The following SCFD2 variants were observed in gnomAD, a reference collection of about 807,000 sequenced individuals.
SCFD2 encodes the protein sec1 family domain containing 2.
Under a neutral mutation model 58.9 loss-of-function variants are expected in SCFD2, and 54 were observed. The ratio of observed to expected loss-of-function variants is 0.92; its 90% CI spans 0.74 to 1.15. The LOEUF (loss-of-function observed/expected upper bound fraction) is 1.15, where lower values mean the gene tolerates loss of function less well. SCFD2 is among the 50% of genes most tolerant of loss of function. SCFD2 has a pLI of 0.00. For missense variants in SCFD2, 805 were observed against 836.6 expected (o/e 0.96, Z 0.47); for synonymous variants, 321 against 335.9 (o/e 0.96, Z 0.49).
intron 2 of SCFD2, among the ~76,000 whole-genome samples, chr4:53,326,342 C>T (rs999177986): frequency 1.1e-4 from 16 of 152,052 alleles, no homozygotes; most frequent in African/African-American, 3.9e-4. Context: ...AGTGTTTCAC[C>T]GTGTTGCCTA....
chr4:53,169,705 C>CT (rs1413919999), intron 4 of SCFD2, among the ~76,000 whole-genome samples: 1 of 152,172 alleles, frequency 6.6e-6, no homozygotes, highest in Admixed American at 6.5e-5. Flanking sequence ...GCCCACACAT[C>CT]TTTTTTTGTT....
At chr4:53,194,649 A>G (rs1250697036) in intron 4 of SCFD2, among the ~76,000 whole-genome samples, 2 of 152,158 alleles carry the variant, frequency 1.3e-5, no homozygotes, top group African/African-American at 4.8e-5. Flanking sequence ...CAGATTTAGG[A>G]TAACTTAATG....
intron 5 of SCFD2, among the ~76,000 whole-genome samples, chr4:53,085,531 C>A (rs959791737): frequency 3.9e-5 from 6 of 152,036 alleles, no homozygotes; most frequent in African/African-American, 1.4e-4. Flanking sequence ...ATATAAAAAA[C>A]AATTCTAAAA....
chr4:53,327,422 G>C (rs1187571181), intron 2 of SCFD2, among the ~76,000 whole-genome samples: 1 of 152,164 alleles, frequency 6.6e-6, no homozygotes, highest in African/African-American at 2.4e-5. Context: ...GGAGTGAGAA[G>C]GATACCCACA....
chr4:53,345,291 T>C (rs1296003167), intron 2 of SCFD2, among the ~76,000 whole-genome samples: 2 of 152,152 alleles, frequency 1.3e-5, no homozygotes, highest in East Asian at 3.8e-4. Flanking sequence ...GCAACGGATA[T>C]GAACAGACAC....
chr4:53,043,637 C>T (rs1722953373), intron 5 of SCFD2, among the ~76,000 whole-genome samples: 1 of 152,074 alleles, frequency 6.6e-6, no homozygotes, highest in Admixed American at 6.6e-5. Context: ...AAAAAAGCAA[C>T]TTGCAAAACA....
intron 5 of SCFD2, among the ~76,000 whole-genome samples, chr4:53,105,777 G>A (rs550328194): frequency 4.3e-4 from 66 of 152,274 alleles, no homozygotes; most frequent in African/African-American, 1.5e-3. Flanking sequence ...AGACTTAAAT[G>A]TCCCTGCCTG....
chr4:52,900,647 A>C (rs1324270661), intron 7 of SCFD2, among the ~76,000 whole-genome samples: 1 of 152,150 alleles, frequency 6.6e-6, no homozygotes, highest in East Asian at 1.9e-4. Flanking sequence ...GTGCTGGGAG[A>C]ACCACTACTC....
intron 4 of SCFD2, among the ~76,000 whole-genome samples, chr4:53,234,575 C>T (rs1729538130): frequency 6.6e-6 from 1 of 152,108 alleles, no homozygotes; most frequent in African/African-American, 2.4e-5. Flanking sequence ...TCCTAATGTT[C>T]TTTATCTGGG....
intron 4 of SCFD2, among the ~76,000 whole-genome samples, chr4:53,228,728 T>A (rs867444552): frequency 5.3e-5 from 8 of 152,118 alleles, no homozygotes; most frequent in African/African-American, 1.9e-4. Context: ...GGATGCCCTC[T>A]CTCACCACTC....
chr4:53,186,795 G>A (rs1257153110), intron 4 of SCFD2, among the ~76,000 whole-genome samples: 1 of 151,958 alleles, frequency 6.6e-6, no homozygotes, highest in African/African-American at 2.4e-5. Flanking sequence ...CTCTGAGTTA[G>A]GCTACATGGT....
chr4:53,252,934 C>T (rs960167084), intron 4 of SCFD2, among the ~76,000 whole-genome samples: 1 of 152,112 alleles, frequency 6.6e-6, no homozygotes, highest in East Asian at 1.9e-4. Context: ...AAGAAACTAC[C>T]ATCAGAGTGA....
intron 4 of SCFD2, among the ~76,000 whole-genome samples, chr4:53,165,609 A>G (rs1726983641): frequency 6.6e-6 from 1 of 151,936 alleles, no homozygotes; most frequent in Non-Finnish European, 1.5e-5. Context: ...CATTCACCCA[A>G]TTACCCTTCT....
chr4:52,927,305 ATT>A (rs33950492), intron 5 of SCFD2, among the ~76,000 whole-genome samples: 157 of 148,006 alleles, frequency 1.1e-3, no homozygotes, highest in East Asian at 5.5e-3. Flanking sequence ...GACTAAGGTA[ATT>A]TTTTTTTTTT....
intron 5 of SCFD2, among the ~76,000 whole-genome samples, chr4:53,068,129 C>T (rs1389457768): frequency 6.6e-6 from 1 of 151,948 alleles, no homozygotes; most frequent in African/African-American, 2.4e-5. Context: ...TAAAAGATGG[C>T]CAACTAGTGA....
At position 53,097,323 on chromosome 4, in the gene SCFD2, G is replaced by A. The variant is rs967009044; in HGVS notation, c.1561+48010C>T. ...CCTTGGGCAGTATGGCTATTTTCAC[G>A]ATATTGATTCTTGCTATCCATGAGC... On this transcript the variant is annotated intron_variant, in intron 5 of 8. Transcript: ENST00000401642. 6.8e-4 allele frequency among the ~76,000 whole-genome samples: 103 copies of A among 152,198 alleles called. No individual in the cohort carries two copies. In the Middle Eastern group the frequency reaches 0.014, roughly 20 times the overall value.
At chr4:53,015,832 T>C (rs1722200385) in intron 5 of SCFD2, among the ~76,000 whole-genome samples, 1 of 152,102 alleles carries the variant, frequency 6.6e-6, no homozygotes, top group African/African-American at 2.4e-5. Flanking sequence ...CAAGAATGAG[T>C]GGGCTTCTCT....
chr4:53,311,851 G>A (rs779795787), intron 3 of SCFD2, among the ~76,000 whole-genome samples: 1 of 151,866 alleles, frequency 6.6e-6, no homozygotes, highest in East Asian at 1.9e-4. Flanking sequence ...GGCCAGGAGG[G>A]TCTCAGTCTC....
chr4:53,002,917 A>T (rs1396517968), intron 5 of SCFD2, among the ~76,000 whole-genome samples: 2 of 152,208 alleles, frequency 1.3e-5, no homozygotes, highest in Non-Finnish European at 2.9e-5. Context: ...GGGAGCAGAT[A>T]TCTTACATGG....
Sources: gnomAD v4.1 joint callset for allele counts (sites outside exome capture counted in the v4.1 genomes callset) on GRCh38, gnomAD v4.1.1 for gene constraint, MANE v1.5 for transcripts, NCBI Gene and HGNC (gene_info 2026-07-23, HGNC 2026-07-21) for gene names.